Variants in BMPR1A observed in about 807,000 individuals in gnomAD.
BMPR1A encodes the protein bone morphogenetic protein receptor type 1A.
A neutral mutation model predicts 66.0 loss-of-function variants in BMPR1A; 7 were observed. That is an observed-to-expected ratio of 0.11 (90% confidence interval 0.06 to 0.20). The LOEUF (loss-of-function observed/expected upper bound fraction) is 0.20, where lower values mean the gene tolerates loss of function less well. Ranked by LOEUF, BMPR1A falls within the 10% of genes least tolerant of loss-of-function variation. The pLI is 1.00. For missense variants in BMPR1A, 408 were observed against 669.1 expected (o/e 0.61, Z 4.31); for synonymous variants, 200 against 229.7 (o/e 0.87, Z 1.17).
intron 2 of BMPR1A, among the ~76,000 whole-genome samples, chr10:86,851,059 G>A (rs1421120666): frequency 1.3e-5 from 2 of 152,140 alleles, no homozygotes; most frequent in Non-Finnish European, 2.9e-5. Context: ...GGAAAGAAGA[G>A]GTTTTAAGTA....
At chr10:86,874,709 CTTTTTTTTTTTTTT>C (rs200991488) in intron 2 of BMPR1A, among the ~76,000 whole-genome samples, 4 of 92,430 alleles carry the variant, frequency 4.3e-5, no homozygotes, top group East Asian at 2.5e-4. Context: ...ACCCGACCTT[CTTTTTTTTTTTTTT>C]TTTTTTTTTT....
chr10:86,834,057 G>A (rs1302825668), intron 1 of BMPR1A, among the ~76,000 whole-genome samples: 1 of 152,134 alleles, frequency 6.6e-6, no homozygotes, highest in Non-Finnish European at 1.5e-5. Context: ...GGGAGCATGT[G>A]TTTTTACCTG....
Position 86,830,012 on chromosome 10 carries a change from A to G in BMPR1A, c.-267-8853A>G, listed in dbSNP as rs1398866391. On this transcript the variant is annotated intron_variant, in intron 1 of 12. Transcript: ENST00000372037. Reference sequence around the variant, plus strand: ...CCCTGTAAGTGTAGGGACCACTACAATAGTGTCTTACAGTGGGTGGGGAGA... The same window carrying G: ...CCCTGTAAGTGTAGGGACCACTACAGTAGTGTCTTACAGTGGGTGGGGAGA... 3.9e-5 allele frequency among the ~76,000 whole-genome samples: 6 copies of G among 151,996 alleles called. No homozygotes were observed. The East Asian group carries it at 9.6e-4, about 24-fold the overall frequency.
intron 1 of BMPR1A, among the ~76,000 whole-genome samples, chr10:86,758,411 G>C (rs1235177103): frequency 1.3e-5 from 2 of 149,848 alleles, no homozygotes; most frequent in Admixed American, 6.6e-5. Flanking sequence ...AACACCTTGG[G>C]GTTTTTTTCC....
intron 3 of BMPR1A, among the ~76,000 whole-genome samples, chr10:86,878,005 T>A (rs1290557078): frequency 1.3e-5 from 2 of 152,246 alleles, no homozygotes; most frequent in East Asian, 3.8e-4. Flanking sequence ...TGAAATTTGT[T>A]ACATTTCCTT....
intron 1 of BMPR1A, among the ~76,000 whole-genome samples, chr10:86,794,830 A>G (rs554660323): frequency 1.3e-5 from 2 of 151,160 alleles, no homozygotes; most frequent in African/African-American, 4.8e-5. Flanking sequence ...ATATCTATAG[A>G]TATAGATATA....
intron 2 of BMPR1A, among the ~76,000 whole-genome samples, chr10:86,864,758 A>T (rs71473281): frequency 0.039 from 5,918 of 152,156 alleles, 229 homozygotes; most frequent in African/African-American, 0.091. Flanking sequence ...TACTTCTTTT[A>T]TTGGGACCTT....
At chr10:86,839,846 G>T (rs1842401078) in intron 2 of BMPR1A, among the ~76,000 whole-genome samples, 1 of 151,856 alleles carries the variant, frequency 6.6e-6, no homozygotes, top group Non-Finnish European at 1.5e-5. Flanking sequence ...TAGAAACAGG[G>T]TCTCATTATC....
At chr10:86,816,564 C>CTGGAT (rs1842037436) in intron 1 of BMPR1A, among the ~76,000 whole-genome samples, 2 of 152,342 alleles carry the variant, frequency 1.3e-5, no homozygotes, top group South Asian at 4.2e-4. Context: ...AGTCGACCTA[C>CTGGAT]TGGATCAGGA....
chr10:86,873,207 GCCC>G (rs1446876216), intron 2 of BMPR1A, among the ~76,000 whole-genome samples: 1 of 152,128 alleles, frequency 6.6e-6, no homozygotes, highest in African/African-American at 2.4e-5. Flanking sequence ...TCAGTCTCCT[GCCC>G]AAGACTGTGA....
chr10:86,809,435 G>A (rs1206086446), intron 1 of BMPR1A, among the ~76,000 whole-genome samples: 1 of 151,802 alleles, frequency 6.6e-6, no homozygotes, highest in Non-Finnish European at 1.5e-5. Flanking sequence ...GACTACAGGT[G>A]CGTGCCATCA....
At chr10:86,788,331 CTT>C (rs1260750489) in intron 1 of BMPR1A, among the ~76,000 whole-genome samples, 1 of 152,156 alleles carries the variant, frequency 6.6e-6, no homozygotes, top group Non-Finnish European at 1.5e-5. Flanking sequence ...TAGGCTTTCT[CTT>C]TTCATCAACT....
chr10:86,794,539 A>G lies in BMPR1A; in HGVS notation c.-268+37620A>G, dbSNP rs1030351126. On this transcript the variant is annotated intron_variant, in intron 1 of 12. Transcript: ENST00000372037. The stretch of plus-strand genomic sequence containing the variant: ...TTGTGAAGATCAAATTAAGTCATCA[A>G]GTTAGAGTGCCTTTTGAAATGTATA... 2.0e-5 allele frequency among the ~76,000 whole-genome samples: 3 copies of G among 152,212 alleles called. No individual in the cohort carries two copies. In the East Asian group the frequency reaches 5.8e-4, roughly 29 times the overall value.
At position 86,915,200 on chromosome 10, in the gene BMPR1A, AT is replaced by A. The variant is rs553875864; in HGVS notation, c.676-1925del. 1.6e-3 allele frequency among the ~76,000 whole-genome samples: 247 copies of A among 151,242 alleles called. 1 individual carries two copies. Among genetic ancestry groups the A allele is most frequent in the African/African-American group, 5.3e-3 (220 of 41,304 alleles). ...ACCACCATGCCCAGCTAATTTTTGT[AT>A]TTTTTTTTAAGTAGAGACAGGGTTT... On this transcript the variant is annotated intron_variant, in intron 8 of 12. Coordinates refer to ENST00000372037, the MANE Select transcript of BMPR1A (RefSeq NM_004329.3).
chr10:86,798,372 A>G (rs1841756052), intron 1 of BMPR1A, among the ~76,000 whole-genome samples: 1 of 152,210 alleles, frequency 6.6e-6, no homozygotes, highest in African/African-American at 2.4e-5. Context: ...ACATTATTTG[A>G]TAAATGCTAT....
intron 1 of BMPR1A, among the ~76,000 whole-genome samples, chr10:86,793,417 G>A (rs1382378744): frequency 6.6e-6 from 1 of 150,598 alleles, no homozygotes; most frequent in Admixed American, 6.6e-5. Context: ...AGGCTGGAGT[G>A]CAATGGCGTG....
rs140485100 is a variant in BMPR1A at position 86,909,758 on chromosome 10, C to T, written c.531-2482C>T. Among the ~76,000 whole-genome samples the T allele has an allele frequency of 1.5e-4, 22 of 151,584 alleles. No individual in the cohort carries two copies. The East Asian group carries it at 3.7e-3, about 25-fold the overall frequency. On this transcript the variant is annotated intron_variant, in intron 7 of 12. Coordinates refer to ENST00000372037, the MANE Select transcript of BMPR1A (RefSeq NM_004329.3). Reference sequence around the variant, plus strand: ...GAACTGTATGACATTCAAAGGTAGGCGAATAAAGATGCTTGATAAAATTAA... The same window carrying T: ...GAACTGTATGACATTCAAAGGTAGGTGAATAAAGATGCTTGATAAAATTAA...
intron 2 of BMPR1A, chr10:86,856,207 C>T (rs1396789977): frequency 1.3e-5 from 7 of 524,534 alleles, no homozygotes; most frequent in African/African-American, 3.9e-5. Context: ...TTCACTACAT[C>T]GTTGTAGTGA....
chr10:86,848,709 A>G (rs1394273244), intron 2 of BMPR1A, among the ~76,000 whole-genome samples: 3 of 152,194 alleles, frequency 2.0e-5, no homozygotes, highest in Non-Finnish European at 4.4e-5. Context: ...AGCAGTAGGA[A>G]CACATTTGTT....
Sources: gnomAD v4.1 joint callset for allele counts (sites outside exome capture counted in the v4.1 genomes callset) on GRCh38, gnomAD v4.1.1 for gene constraint, MANE v1.5 for transcripts, NCBI Gene and HGNC (gene_info 2026-07-23, HGNC 2026-07-21) for gene names.